The following PDE4D variants were observed in gnomAD, a reference collection of about 807,000 sequenced individuals.
PDE4D encodes the protein 3',5'-cyclic-AMP phosphodiesterase 4D.
A neutral mutation model predicts 87.4 loss-of-function variants in PDE4D; 24 were observed. That is an observed-to-expected ratio of 0.27 (90% CI 0.20 to 0.39). The LOEUF (loss-of-function observed/expected upper bound fraction) is 0.39, where lower values mean the gene tolerates loss of function less well. Among genes scored for constraint, PDE4D ranks in the 10% least tolerant of loss-of-function variants. The pLI, the probability that PDE4D is intolerant of heterozygous loss-of-function variation, is 1.00. For missense variants in PDE4D, 714 were observed against 1,041.0 expected (o/e 0.69, Z 4.32); for synonymous variants, 384 against 383.2 (o/e 1.00, Z -0.02).
intron 1 of PDE4D, among the ~76,000 whole-genome samples, chr5:59,295,829 T>C (rs1768964390): frequency 6.9e-6 from 1 of 145,078 alleles, no homozygotes; most frequent in South Asian, 2.2e-4. Context: ...TGAAGTAGGC[T>C]AAGTGTAAGA....
chr5:59,804,677 C>T lies in PDE4D; in HGVS notation c.455+88491G>A, dbSNP rs148822536. ...AAGAAGCTAAACTCGGAAGAGTATA[C>T]AGAATATTACTTCATTTCATAAAAC... On this transcript the variant is annotated intron_variant, in intron 1 of 14. Coordinates refer to ENST00000340635, the MANE Select transcript of PDE4D (RefSeq NM_001104631.2). Among the ~76,000 whole-genome samples, 411 of 152,304 alleles carry T rather than the reference C, an allele frequency of 2.7e-3. 4 individuals carry two copies. Among genetic ancestry groups the T allele is most frequent in the African/African-American group, 9.5e-3 (394 of 41,574 alleles).
chr5:60,318,669 G>A (rs1755885266), intron 1 of PDE4D, among the ~76,000 whole-genome samples: 1 of 152,038 alleles, frequency 6.6e-6, no homozygotes, highest in Non-Finnish European at 1.5e-5. Context: ...AGCTCTTTTA[G>A]GGCAGCCCTG....
At chr5:59,527,105 A>T (rs1481699888) in intron 1 of PDE4D, among the ~76,000 whole-genome samples, 2 of 152,194 alleles carry the variant, frequency 1.3e-5, no homozygotes, top group African/African-American at 2.4e-5. Flanking sequence ...AATATGTAAA[A>T]GTTTCTGCAA....
chr5:59,292,477 TC>T (rs1348651506), intron 1 of PDE4D, among the ~76,000 whole-genome samples: 1 of 152,056 alleles, frequency 6.6e-6, no homozygotes, highest in East Asian at 1.9e-4. Context: ...CTGGGAAGGG[TC>T]TTTATAATTT....
intron 1 of PDE4D, among the ~76,000 whole-genome samples, chr5:59,534,324 G>A (rs1477330891): frequency 6.6e-6 from 1 of 152,146 alleles, no homozygotes; most frequent in Non-Finnish European, 1.5e-5. Flanking sequence ...TCCCCTGCGA[G>A]TTAAATAAGC....
chr5:59,048,767 C>G (rs867194705), intron 5 of PDE4D, among the ~76,000 whole-genome samples: 6 of 152,278 alleles, frequency 3.9e-5, no homozygotes, highest in African/African-American at 1.4e-4. Context: ...CCACTCCTAC[C>G]CCTACCATAT....
chr5:59,270,534 TAA>T (rs1168779122), intron 1 of PDE4D, among the ~76,000 whole-genome samples: 1 of 152,182 alleles, frequency 6.6e-6, no homozygotes, highest in Non-Finnish European at 1.5e-5. Flanking sequence ...TTGTCTGTTA[TAA>T]AGACCAGAGG....
chr5:60,203,223 C>T (rs923509212), intron 1 of PDE4D, among the ~76,000 whole-genome samples: 4 of 152,124 alleles, frequency 2.6e-5, no homozygotes, highest in Admixed American at 2.0e-4. Context: ...TACCCGCCTC[C>T]ACCTCCCAAA....
At chr5:59,575,360 A>G (rs142123334) in intron 1 of PDE4D, among the ~76,000 whole-genome samples, 1 of 152,224 alleles carries the variant, frequency 6.6e-6, no homozygotes, top group Non-Finnish European at 1.5e-5. Flanking sequence ...GAGATAATTT[A>G]CAGACTTTTA....
chr5:60,070,274 A>C (rs188916177), intron 2 of PDE4D, among the ~76,000 whole-genome samples: 125 of 152,210 alleles, frequency 8.2e-4, no homozygotes, highest in African/African-American at 2.7e-3. Flanking sequence ...TTAGAGGAAA[A>C]GCCTTCATTC....
chr5:59,988,612 G>T, exon 3 of PDE4D: 1 of 1,599,322 alleles, frequency 6.3e-7, no homozygotes, highest in African/African-American at 1.3e-5. Flanking sequence ...AAGGCGAGAG[G>T]GGGAAGCTGA....
At chr5:60,204,518 T>C (rs1742286519) in intron 1 of PDE4D, among the ~76,000 whole-genome samples, 1 of 152,228 alleles carries the variant, frequency 6.6e-6, no homozygotes, top group Non-Finnish European at 1.5e-5. Context: ...TTGTATCTAT[T>C]ATTTCACTTA....
intron 1 of PDE4D, among the ~76,000 whole-genome samples, chr5:60,299,288 T>C (rs1434171883): frequency 2.0e-5 from 3 of 152,234 alleles, no homozygotes; most frequent in Admixed American, 6.5e-5. Context: ...GGTTCTAACT[T>C]TGAAACCGTA....
At chr5:60,202,508 A>T (rs1742035514) in intron 1 of PDE4D, among the ~76,000 whole-genome samples, 1 of 152,124 alleles carries the variant, frequency 6.6e-6, no homozygotes, top group South Asian at 2.1e-4. Flanking sequence ...CTATATATCA[A>T]AAAATTTTAA....
intron 2 of PDE4D, among the ~76,000 whole-genome samples, chr5:60,177,026 A>G (rs1783972911): frequency 6.6e-6 from 1 of 152,140 alleles, no homozygotes; most frequent in Admixed American, 6.6e-5. Flanking sequence ...TTGTCCTGTA[A>G]TGCCAGAAAT....
Position 58,971,606 on chromosome 5 carries a change from GT to G in PDE4D, c.*3057del, listed in dbSNP as rs1158171496. On this transcript the variant is annotated 3_prime_UTR_variant, in exon 15 of 15. Coordinates refer to ENST00000340635, the MANE Select transcript of PDE4D (RefSeq NM_001104631.2). ...TTTCTGTAAAATCCATTTCATTCAA[GT>G]TTTTTCTTTCCTTGTCTGTAATTTG... is the stretch of plus-strand genomic sequence containing the variant. The G allele has an allele frequency of 6.6e-6, 1 of 152,484 alleles. No individual in the cohort carries two copies. Among genetic ancestry groups the G allele is most frequent in the Non-Finnish European group, 1.5e-5 (1 of 68,004 alleles). 9.4% of individuals were successfully genotyped at this position (152,484 alleles called of 1,614,324 possible). A position where few individuals can be genotyped will look rare whatever the true frequency, so the allele number is the denominator to read the frequency against.
At chr5:59,397,546 CA>C (rs1432718538) in intron 1 of PDE4D, among the ~76,000 whole-genome samples, 1 of 113,074 alleles carries the variant, frequency 8.8e-6, no homozygotes, top group African/African-American at 3.6e-5. Flanking sequence ...AACAAAGACA[CA>C]ACATACCAGA....
chr5:60,140,039 T>A (rs542681283), intron 2 of PDE4D, among the ~76,000 whole-genome samples: 3 of 152,204 alleles, frequency 2.0e-5, no homozygotes, highest in African/African-American at 7.2e-5. Flanking sequence ...TTGTCTTTTT[T>A]ATGTACTTAA....
At chr5:59,900,839 C>A (rs767812784) in intron 3 of PDE4D, among the ~76,000 whole-genome samples, 2 of 152,004 alleles carry the variant, frequency 1.3e-5, no homozygotes, top group African/African-American at 2.4e-5. Context: ...TGAAATTAGG[C>A]CCAACTACCA....
Sources: gnomAD v4.1 joint callset for allele counts (sites outside exome capture counted in the v4.1 genomes callset) on GRCh38, gnomAD v4.1.1 for gene constraint, MANE v1.5 for transcripts, NCBI Gene and HGNC (gene_info 2026-07-23, HGNC 2026-07-21) for gene names.